GRIK5: variants seen among roughly 807,000 people sequenced by gnomAD.
GRIK5 encodes glutamate ionotropic receptor kainate type subunit 5, also known as glutamate receptor ionotropic, kainate 5.
Under a neutral mutation model 97.4 loss-of-function variants are expected in GRIK5, and 43 were observed. The observed-to-expected ratio is 0.44, with a 90% CI of 0.35 to 0.57. GRIK5 has a LOEUF of 0.57. Ranked by LOEUF, GRIK5 falls within the 20% of genes least tolerant of loss-of-function variation. The probability of loss-of-function intolerance (pLI) is 0.01; values close to 1 mark genes in which losing one functional copy is unlikely to be tolerated. For missense variants in GRIK5, 1,015 were observed against 1,382.0 expected (o/e 0.73, Z 4.21); for synonymous variants, 580 against 583.5 (o/e 0.99, Z 0.09).
At position 42,022,657 on chromosome 19, in the gene GRIK5, A is replaced by C; in HGVS notation, c.1474-303T>G. ...GGAGGGGTTCCCCAAACTCCAATTC[A>C]AGCAGCAACTTCTCCCTAGGGCCAT... On this transcript the variant is annotated intron_variant, in intron 12 of 19. Coordinates refer to ENST00000593562, the MANE Select transcript of GRIK5 (RefSeq NM_002088.5). The surrounding 1 kb of genome is among the most constrained non-coding windows in gnomAD (Gnocchi z 4.2). 1 of 985,020 alleles carries C rather than the reference A, an allele frequency of 1.0e-6. No homozygotes were observed. Among genetic ancestry groups the C allele is most frequent in the Middle Eastern group, 5.2e-4 (1 of 1,914 alleles). 61.0% of individuals were successfully genotyped at this position (985,020 alleles called of 1,614,324 possible). A position where few individuals can be genotyped will look rare whatever the true frequency, so the allele number is the denominator to read the frequency against.
chr19:42,050,279 G>C (rs1253969117), intron 11 of GRIK5, among the ~76,000 whole-genome samples: 1 of 152,098 alleles, frequency 6.6e-6, no homozygotes, highest in Non-Finnish European at 1.5e-5. Flanking sequence ...ACTGAGTATA[G>C]AGAGACCTGC....
intron 6 of GRIK5, among the ~76,000 whole-genome samples, chr19:42,057,611 C>T (rs1213765772): frequency 3.3e-5 from 5 of 152,134 alleles, no homozygotes; most frequent in Admixed American, 3.3e-4. Context: ...AGCAATCCTC[C>T]TGCCTTGGCC....
chr19:42,011,501 C>G (rs1415248074), intron 15 of GRIK5, among the ~76,000 whole-genome samples: 2 of 149,002 alleles, frequency 1.3e-5, no homozygotes, highest in East Asian at 4.0e-4. Flanking sequence ...TGCAGTGAGC[C>G]GAGATCGCGC....
At chr19:42,034,654 C>G (rs926482493) in intron 12 of GRIK5, among the ~76,000 whole-genome samples, 3 of 152,198 alleles carry the variant, frequency 2.0e-5, no homozygotes, top group African/African-American at 7.2e-5. Flanking sequence ...CAAACTTCTG[C>G]CCTCATAAAA....
chr19:42,056,561 G>T, intron 8 of GRIK5, 101 bp downstream of exon 8: 1 of 1,007,986 alleles, frequency 9.9e-7, no homozygotes, highest in Non-Finnish European at 1.5e-6. Flanking sequence ...CTCAGGGAGG[G>T]CGAGAGGGTT....
intron 8 of GRIK5, among the ~76,000 whole-genome samples, chr19:42,056,392 T>G (rs1224864746): frequency 6.6e-6 from 1 of 152,120 alleles, no homozygotes; most frequent in Non-Finnish European, 1.5e-5. Flanking sequence ...TCTCGGAAAG[T>G]GCACAGGAAG....
At chr19:42,059,555 G>A (rs1292525789) in intron 5 of GRIK5, 28 bp from the exon 6 acceptor site, 1 of 1,595,394 alleles carries the variant, frequency 6.3e-7, no homozygotes, top group Non-Finnish European at 8.5e-7. Context: ...CCTTGGGTTG[G>A]AGCCCTTCTG....
chr19:42,055,742 C>CAA (rs748307343), intron 8 of GRIK5, among the ~76,000 whole-genome samples: 5 of 151,952 alleles, frequency 3.3e-5, no homozygotes, highest in Non-Finnish European at 7.4e-5. Context: ...TGCAGTGGCA[C>CAA]AATCTTGGCT....
chr19:42,066,926 G>GC (rs1273860006), intron 1 of GRIK5, among the ~76,000 whole-genome samples: 3 of 152,098 alleles, frequency 2.0e-5, no homozygotes, highest in African/African-American at 7.2e-5. Flanking sequence ...CCATACCACT[G>GC]CCCCCCACCC....
At chr19:42,012,442 G>T (rs2075575322) in intron 15 of GRIK5, among the ~76,000 whole-genome samples, 1 of 151,906 alleles carries the variant, frequency 6.6e-6, no homozygotes, top group Admixed American at 6.6e-5. Flanking sequence ...GTAGAGATGG[G>T]GTTTCACCTT....
chr19:42,008,514 C>T (rs1357101110), intron 15 of GRIK5, among the ~76,000 whole-genome samples: 2 of 152,216 alleles, frequency 1.3e-5, no homozygotes, highest in East Asian at 3.9e-4. Context: ...GTGATCCCAG[C>T]TACTTGGGAG....
chr19:42,047,499 T>C (rs531922310), intron 11 of GRIK5, among the ~76,000 whole-genome samples: 3 of 152,278 alleles, frequency 2.0e-5, no homozygotes, highest in Non-Finnish European at 2.9e-5. Context: ...TTTAAAGCTA[T>C]GGTATTTAAG....
chr19:42,047,735 T>A (rs2076060256), intron 11 of GRIK5, among the ~76,000 whole-genome samples: 1 of 151,854 alleles, frequency 6.6e-6, no homozygotes, highest in Non-Finnish European at 1.5e-5. Context: ...TTTGGGAGGC[T>A]GAGGCAGGTG....
chr19:42,022,212 G>C lies in GRIK5; in HGVS notation c.1587+29C>G, dbSNP rs1191106315. ...GGCCCTGAGCCTCCATGCCAGGCAA[G>C]CAGCCCATGGTCTCCAGGGGAACCA... On this transcript the variant is annotated intron_variant, in intron 13 of 19. Coordinates refer to ENST00000593562, the MANE Select transcript of GRIK5 (RefSeq NM_002088.5). This position sits in a 1 kb window ranked among gnomAD's most constrained non-coding sequence, Gnocchi z 4.2. The C allele has an allele frequency of 3.9e-6, 6 of 1,554,124 alleles. No homozygotes were observed. The highest frequency in any genetic ancestry group is 5.3e-6 in the Non-Finnish European group (6 of 1,125,608).
chr19:42,036,061 A>T (rs965242137), intron 12 of GRIK5, among the ~76,000 whole-genome samples: 3 of 152,016 alleles, frequency 2.0e-5, no homozygotes, highest in East Asian at 1.9e-4. Flanking sequence ...TTATTTATTT[A>T]TTTATTTTTA....
chr19:42,008,619 T>C lies in GRIK5; in HGVS notation c.1872-1809A>G, dbSNP rs567925911. Among the ~76,000 whole-genome samples the C allele has an allele frequency of 1.6e-4, 24 of 151,878 alleles. No homozygotes were observed. In the Middle Eastern group the frequency reaches 0.014, roughly 86 times the overall value. On this transcript the variant is annotated intron_variant, in intron 15 of 19. Coordinates refer to ENST00000593562, the MANE Select transcript of GRIK5 (RefSeq NM_002088.5). Reference sequence around the variant, plus strand: ...TGGCCTGGGCAACAAAGCAAGACTCTTGCCTCAAAAAAAAAGGACCAGGTA... The same window carrying C: ...TGGCCTGGGCAACAAAGCAAGACTCCTGCCTCAAAAAAAAAGGACCAGGTA...
rs756597520 is a variant in GRIK5, at chr19:42,065,398, A to G, written c.80-11T>C. The G allele has an allele frequency of 6.4e-7, 1 of 1,572,332 alleles. No individual in the cohort carries two copies. Among genetic ancestry groups the G allele is most frequent in the Non-Finnish European group, 8.6e-7 (1 of 1,157,046 alleles). ...CATCCAGGATTGCAGCTGAGGGGAC[A>G]CATGGGTTGGGGACCAGACTCCTGA... On this transcript the variant is annotated splice_polypyrimidine_tract_variant and intron_variant, in intron 2 of 19. Transcript: ENST00000593562. The surrounding 1 kb of genome is among the most constrained non-coding windows in gnomAD (Gnocchi z 5.8).
At chr19:42,024,709 G>A (rs906523934) in intron 12 of GRIK5, among the ~76,000 whole-genome samples, 3 of 152,168 alleles carry the variant, frequency 2.0e-5, no homozygotes, top group South Asian at 2.1e-4. Flanking sequence ...GGCAGCCGAC[G>A]GCTCCCCCAC....
rs1222889233 is a variant in GRIK5 at position 42,006,477 on chromosome 19, C to G, written c.2037+168G>C. Among the ~76,000 whole-genome samples the G allele has an allele frequency of 1.3e-5, 2 of 152,170 alleles. No homozygotes were observed. Among genetic ancestry groups the G allele is most frequent in the African/African-American group, 4.8e-5 (2 of 41,428 alleles). ...CCTCATTCCCCAGTTCCCTAGCCAGCCAGCTGCGAGCCCCATGACAGCACA... is the reference window on the plus strand; with the variant it reads ...CCTCATTCCCCAGTTCCCTAGCCAGGCAGCTGCGAGCCCCATGACAGCACA... On this transcript the variant is annotated intron_variant, in intron 16 of 19. Coordinates refer to ENST00000593562, the MANE Select transcript of GRIK5 (RefSeq NM_002088.5). This position sits in a 1 kb window ranked among gnomAD's most constrained non-coding sequence, Gnocchi z 5.3.
Sources: gnomAD v4.1 joint callset for allele counts (sites outside exome capture counted in the v4.1 genomes callset) on GRCh38, gnomAD v4.1.1 for gene constraint, Gnocchi (gnomAD v3.1) non-coding constraint, MANE v1.5 for transcripts, NCBI Gene and HGNC (gene_info 2026-07-23, HGNC 2026-07-21) for gene names.